MAN1C1: variants seen among roughly 807,000 people sequenced by gnomAD.
MAN1C1 encodes mannosidase alpha class 1C member 1, also known as mannosyl-oligosaccharide 1,2-alpha-mannosidase IC.
A neutral mutation model predicts 71.5 loss-of-function variants in MAN1C1; 49 were observed. The ratio of observed to expected loss-of-function variants is 0.69; its 90% CI spans 0.54 to 0.87. The LOEUF is 0.87. Ranked by LOEUF, MAN1C1 falls within the 40% of genes least tolerant of loss-of-function variation. MAN1C1 has a pLI of 0.00. For synonymous variants in MAN1C1, 352 were observed against 343.7 expected (o/e 1.02, Z -0.27); for missense variants, 743 against 835.0 (o/e 0.89, Z 1.36).
chr1:25,722,503 A>G (rs948702943), intron 2 of MAN1C1, among the ~76,000 whole-genome samples: 1 of 151,220 alleles, frequency 6.6e-6, no homozygotes, highest in Non-Finnish European at 1.5e-5. Flanking sequence ...TTGTCTTCCA[A>G]CTCTTTTATT....
chr1:25,780,724 C>T, intron 9 of MAN1C1: 1 of 530,350 alleles, frequency 1.9e-6, no homozygotes, highest in South Asian at 2.4e-5. Context: ...CATTTCCAGT[C>T]CCCGAGGGTC....
At chr1:25,720,337 A>G (rs1034079464) in intron 2 of MAN1C1, among the ~76,000 whole-genome samples, 11 of 151,864 alleles carry the variant, frequency 7.2e-5, no homozygotes, top group Admixed American at 6.6e-4. Context: ...TCAGCCTCCA[A>G]GTAGCCAGGA....
chr1:25,701,564 C>T (rs181529985), intron 2 of MAN1C1, among the ~76,000 whole-genome samples: 28 of 152,358 alleles, frequency 1.8e-4, no homozygotes, highest in Admixed American at 8.5e-4. Context: ...GGGAACTGCC[C>T]AACAGGCAGG....
intron 2 of MAN1C1, among the ~76,000 whole-genome samples, chr1:25,708,895 A>C (rs1557774436): frequency 6.6e-6 from 1 of 152,050 alleles, no homozygotes; most frequent in Non-Finnish European, 1.5e-5. Context: ...AAGAAGAAAA[A>C]AAAAAGCCAC....
intron 2 of MAN1C1, among the ~76,000 whole-genome samples, chr1:25,738,633 G>A (rs546776870): frequency 6.6e-6 from 1 of 152,322 alleles, no homozygotes; most frequent in East Asian, 1.9e-4. Flanking sequence ...AGGCTGACTC[G>A]ACAGCTGGGT....
chr1:25,774,021 G>A (rs1043817667), intron 8 of MAN1C1, among the ~76,000 whole-genome samples: 7 of 152,146 alleles, frequency 4.6e-5, no homozygotes, highest in Non-Finnish European at 7.3e-5. Flanking sequence ...TGTATAGTCA[G>A]GGTTGGGAAC....
chr1:25,763,191 C>A (rs1323739362), intron 6 of MAN1C1, among the ~76,000 whole-genome samples: 4 of 152,084 alleles, frequency 2.6e-5, no homozygotes. Context: ...CCACTTGAAC[C>A]CGGGAGGTGG....
chr1:25,651,301 ACAGG>A (rs1406123098), intron 1 of MAN1C1, among the ~76,000 whole-genome samples: 6 of 152,242 alleles, frequency 3.9e-5, no homozygotes, highest in Non-Finnish European at 5.9e-5. Flanking sequence ...TCCCTGAGTG[ACAGG>A]CAGGAAGGCC....
chr1:25,651,636 C>T (rs1005159000), intron 1 of MAN1C1, among the ~76,000 whole-genome samples: 2 of 152,176 alleles, frequency 1.3e-5, no homozygotes, highest in African/African-American at 4.8e-5. Context: ...CTTCCTCTGC[C>T]CTTGCACGGA....
At chr1:25,699,741 G>C (rs2046413841) in intron 2 of MAN1C1, among the ~76,000 whole-genome samples, 1 of 152,214 alleles carries the variant, frequency 6.6e-6, no homozygotes, top group African/African-American at 2.4e-5. Context: ...GGTGCAGCCA[G>C]GCAGACAGCA....
intron 2 of MAN1C1, among the ~76,000 whole-genome samples, chr1:25,698,134 C>T (rs1040011320): frequency 2.0e-5 from 3 of 152,230 alleles, no homozygotes; most frequent in Non-Finnish European, 2.9e-5. Flanking sequence ...CCTTCATCCT[C>T]TTCTCTTCAC....
intron 4 of MAN1C1, among the ~76,000 whole-genome samples, chr1:25,752,060 G>A (rs893705172): frequency 6.6e-6 from 1 of 152,194 alleles, no homozygotes; most frequent in Non-Finnish European, 1.5e-5. Flanking sequence ...CTTTGCTTAA[G>A]ATGAAGCTTC....
chr1:25,662,844 G>A (rs956876232), intron 1 of MAN1C1, among the ~76,000 whole-genome samples: 6 of 152,188 alleles, frequency 3.9e-5, no homozygotes, highest in African/African-American at 1.2e-4. Flanking sequence ...GGAGGATCAC[G>A]AGGTTAGGAG....
At chr1:25,727,306 AT>A (rs1409077074) in intron 2 of MAN1C1, among the ~76,000 whole-genome samples, 3 of 152,200 alleles carry the variant, frequency 2.0e-5, no homozygotes, top group African/African-American at 7.2e-5. Flanking sequence ...TGGATACTTC[AT>A]GTCCTTGTCG....
intron 1 of MAN1C1, among the ~76,000 whole-genome samples, chr1:25,679,937 CA>C (rs1237281245): frequency 0.082 from 7,055 of 85,786 alleles, 848 homozygotes; most frequent in African/African-American, 0.3. Context: ...ACCTCTGTCT[CA>C]AAAAAAAAAA....
intron 5 of MAN1C1, among the ~76,000 whole-genome samples, chr1:25,757,053 C>T (rs1201186703): frequency 6.6e-6 from 1 of 152,124 alleles, no homozygotes; most frequent in African/African-American, 2.4e-5. Flanking sequence ...CGTCTGTTCC[C>T]ACAAGCTGGG....
chr1:25,704,845 C>G (rs2046497304), intron 2 of MAN1C1, among the ~76,000 whole-genome samples: 1 of 152,236 alleles, frequency 6.6e-6, no homozygotes. Flanking sequence ...TGGTTTGTTG[C>G]TGATTTTCCA....
chr1:25,646,746 CGA>C (rs1384175569), intron 1 of MAN1C1, among the ~76,000 whole-genome samples: 9 of 152,256 alleles, frequency 5.9e-5, no homozygotes, highest in Non-Finnish European at 1.0e-4. Context: ...GTAGTGTGTG[CGA>C]GAGTTTCTTT....
intron 3 of MAN1C1, among the ~76,000 whole-genome samples, chr1:25,747,726 G>A (rs1282365085): frequency 6.6e-6 from 1 of 152,166 alleles, no homozygotes; most frequent in African/African-American, 2.4e-5. Flanking sequence ...GAGACCTCTG[G>A]AGTCCTGGCT....
Sources: allele counts gnomAD v4.1 joint callset (sites outside exome capture counted in the v4.1 genomes callset), GRCh38; gene constraint gnomAD v4.1.1; transcripts MANE v1.5; gene names NCBI Gene and HGNC (gene_info 2026-07-23, HGNC 2026-07-21).